RAB3GAP2: variants seen among roughly 807,000 people sequenced by gnomAD.
RAB3GAP2 encodes the protein RAB3 GTPase activating non-catalytic protein subunit 2.
In RAB3GAP2, 87 loss-of-function variants were observed where a neutral mutation model predicts 185.3. The ratio of observed to expected loss-of-function variants is 0.47; its 90% CI spans 0.39 to 0.56. RAB3GAP2 has a LOEUF of 0.56. RAB3GAP2 is among the 20% of genes least tolerant of loss of function. The pLI is 0.00. For synonymous variants in RAB3GAP2, 554 were observed against 576.1 expected (o/e 0.96, Z 0.55); for missense variants, 1,492 against 1,638.2 (o/e 0.91, Z 1.54).
intron 1 of RAB3GAP2, chr1:220,254,208 G>C: frequency 6.2e-7 from 1 of 1,613,454 alleles, no homozygotes; most frequent in Non-Finnish European, 8.5e-7. Flanking sequence ...AGGAGTATGC[G>C]GTTAATGAAG....
intron 11 of RAB3GAP2, 45 bp downstream of exon 11, chr1:220,195,253 T>C (rs1337137837): frequency 1.9e-6 from 3 of 1,590,634 alleles, no homozygotes; most frequent in African/African-American, 1.3e-5. Context: ...AAAAGCAAGC[T>C]AGATACAAAT....
chr1:220,210,685 G>T, intron 6 of RAB3GAP2, 116 bp downstream of exon 6: 1 of 1,186,832 alleles, frequency 8.4e-7, no homozygotes, highest in Non-Finnish European at 1.2e-6. Flanking sequence ...CCCCCATAAA[G>T]AATCAACTAC....
intron 2 of RAB3GAP2, among the ~76,000 whole-genome samples, chr1:220,223,527 G>GC (rs1659346299): frequency 6.6e-6 from 1 of 151,968 alleles, no homozygotes; most frequent in Non-Finnish European, 1.5e-5. Flanking sequence ...CACTGAAATG[G>GC]CATTTTACGT....
intron 9 of RAB3GAP2, among the ~76,000 whole-genome samples, chr1:220,198,163 TC>T (rs1206940046): frequency 6.6e-6 from 1 of 152,158 alleles, no homozygotes; most frequent in East Asian, 1.9e-4. Context: ...TACACTCGTT[TC>T]CCCCTACACA....
intron 8 of RAB3GAP2, among the ~76,000 whole-genome samples, chr1:220,204,908 T>G (rs1658935085): frequency 4.6e-5 from 7 of 152,096 alleles, no homozygotes; most frequent in Admixed American, 4.6e-4. Context: ...ACAAAGGACA[T>G]GAACTCATCA....
In RAB3GAP2 at chr1:220,232,841, A is replaced by G. The variant is rs763266906; in HGVS notation, c.138T>C (p.Asp46=). 1 of 1,613,896 alleles carries G rather than the reference A, an allele frequency of 6.2e-7. No homozygotes were observed. The highest frequency in any genetic ancestry group is 8.5e-7 in the Non-Finnish European group (1 of 1,179,850). Residue 46 remains aspartate (D), a synonymous_variant, in exon 2 of 35, where the codon GAT becomes GAC. Coordinates refer to ENST00000358951, the MANE Select transcript of RAB3GAP2 (RefSeq NM_012414.4). ...TTTCTTCCCATGCTCCCCAACCATC[A>G]TCTTCCCAGTCTGTTGATTTACCTG... The part of the protein sequence containing the change: ...RDPSKSTDWE[D]DGWGAWEENE...
intron 2 of RAB3GAP2, among the ~76,000 whole-genome samples, chr1:220,230,336 A>G (rs1404290410): frequency 6.6e-6 from 1 of 152,252 alleles, no homozygotes; most frequent in East Asian, 1.9e-4. Context: ...GCCATGCAAT[A>G]GTTTAAATCC....
chr1:220,153,447 G>T, intron 32 of RAB3GAP2, 41 bp from the exon 33 acceptor site: 1 of 1,551,090 alleles, frequency 6.4e-7, no homozygotes, highest in Non-Finnish European at 8.9e-7. Flanking sequence ...CATTGTTACT[G>T]TTTCATTTTA....
chr1:220,190,025 G>A, intron 16 of RAB3GAP2, 39 bp downstream of exon 16: 1 of 1,447,804 alleles, frequency 6.9e-7, no homozygotes, highest in South Asian at 1.1e-5. Context: ...AAAGATGATA[G>A]AACAATATGC....
At chr1:220,231,161 CCTG>C (rs1247382640) in intron 2 of RAB3GAP2, among the ~76,000 whole-genome samples, 1 of 152,202 alleles carries the variant, frequency 6.6e-6, no homozygotes, top group African/African-American at 2.4e-5. Context: ...TGACATCTGG[CCTG>C]CTTTCTTCTC....
chr1:220,229,628 T>A (rs939898981), intron 2 of RAB3GAP2, among the ~76,000 whole-genome samples: 1 of 152,324 alleles, frequency 6.6e-6, no homozygotes, highest in Non-Finnish European at 1.5e-5. Context: ...CACAAATGCC[T>A]AACTATGTCA....
At chr1:220,229,529 C>T (rs2102890082) in intron 2 of RAB3GAP2, among the ~76,000 whole-genome samples, 1 of 152,298 alleles carries the variant, frequency 6.6e-6, no homozygotes, top group Non-Finnish European at 1.5e-5. Context: ...AGCCAAAAAG[C>T]AAGTCTGTGG....
intron 1 of RAB3GAP2, among the ~76,000 whole-genome samples, chr1:220,244,312 G>T (rs370196267): frequency 6.6e-6 from 1 of 151,938 alleles, no homozygotes; most frequent in Non-Finnish European, 1.5e-5. Context: ...TACAACAGCC[G>T]CAAAAAAATA....
chr1:220,183,331 C>T (rs1211460714), intron 19 of RAB3GAP2, among the ~76,000 whole-genome samples: 1 of 151,728 alleles, frequency 6.6e-6, no homozygotes, highest in African/African-American at 2.4e-5. Flanking sequence ...TCACTGCAGC[C>T]TTGACTTCTT....
rs368448202 is a variant in RAB3GAP2, at chr1:220,255,451, G to A, written c.115+16772C>T. Among the ~76,000 whole-genome samples the A allele has an allele frequency of 4.3e-4, 66 of 152,292 alleles. No homozygotes were observed. The South Asian group carries it at 0.012, about 28-fold the overall frequency. ...GGAGATGGCTGAATTGACAGAAGTC[G>A]GCTTCAGAAGGTGGATAACAACAAA... On this transcript the variant is annotated intron_variant, in intron 1 of 34. Coordinates refer to ENST00000358951, the MANE Select transcript of RAB3GAP2 (RefSeq NM_012414.4).
At chr1:220,272,186 A>C in intron 1 of RAB3GAP2, 37 bp downstream of exon 1, 2 of 1,532,662 alleles carry the variant, frequency 1.3e-6, no homozygotes, top group Non-Finnish European at 1.8e-6. Flanking sequence ...GCCGCGGGTG[A>C]CGAGGGAAGG....
At chr1:220,194,802 TCTC>T (rs1344448800) in intron 12 of RAB3GAP2, among the ~76,000 whole-genome samples, 4 of 152,184 alleles carry the variant, frequency 2.6e-5, no homozygotes, top group African/African-American at 9.7e-5. Context: ...CTGAATTAAT[TCTC>T]CTACAACTAA....
chr1:220,221,281 G>A (rs943802474), intron 2 of RAB3GAP2, among the ~76,000 whole-genome samples: 3 of 152,132 alleles, frequency 2.0e-5, no homozygotes, highest in African/African-American at 7.2e-5. Context: ...AGTGAGGTGG[G>A]TGTGGTGTTA....
intron 7 of RAB3GAP2, chr1:220,208,236 T>C (rs1417591754): frequency 6.6e-6 from 1 of 152,220 alleles, no homozygotes; most frequent in African/African-American, 2.4e-5. Flanking sequence ...TCCAGTCAAT[T>C]TTTAGAAAAA....
Sources: gnomAD v4.1 joint callset for allele counts (sites outside exome capture counted in the v4.1 genomes callset) on GRCh38, gnomAD v4.1.1 for gene constraint, MANE v1.5 for transcripts, NCBI Gene and HGNC (gene_info 2026-07-23, HGNC 2026-07-21) for gene names.